ERI2: variants seen among roughly 807,000 people sequenced by gnomAD.
ERI2 encodes ERI1 exoribonuclease family member 2, also known as ERI1 exoribonuclease 2.
ERI2 carries 35 observed loss-of-function variants against 46.8 expected under a neutral mutation model. That is an observed-to-expected ratio of 0.75 (90% CI 0.57 to 0.99). The LOEUF (loss-of-function observed/expected upper bound fraction) is 0.99, where lower values mean the gene tolerates loss of function less well. ERI2 is among the 50% of genes least tolerant of loss of function. The probability of loss-of-function intolerance (pLI) is 0.00; values close to 1 mark genes in which losing one functional copy is unlikely to be tolerated. For synonymous variants in ERI2, 224 were observed against 271.0 expected (o/e 0.83, Z 1.70); for missense variants, 695 against 796.2 (o/e 0.87, Z 1.53).
At position 20,797,078 on chromosome 16, in the gene ERI2, G is replaced by T. The variant is rs1276643503; in HGVS notation, c.*646C>A. 1.4e-6 allele frequency: 2 copies of T among 1,442,534 alleles called. No individual in the cohort carries two copies. The highest frequency in any genetic ancestry group is 1.8e-6 in the Non-Finnish European group (2 of 1,102,138). 89.4% of individuals were successfully genotyped at this position (1,442,534 alleles called of 1,614,324 possible). ...CATAAAAACTGTGGTAGTATGCTTA[G>T]AAACTGTTGATTTAAAATATCTTGT... On this transcript the variant is annotated 3_prime_UTR_variant, in exon 9 of 9. Coordinates refer to ENST00000357967, the MANE Select transcript of ERI2 (RefSeq NM_001142725.2).
At position 20,789,612 on chromosome 16, in the gene ERI2, A is replaced by T. The variant is rs1450675853; in HGVS notation, c.816-55T>A. ...GATATTTATTTATCAAGAGGAAAAGATAATCAAGACCTATTGCTAAATGAT... is the reference window on the plus strand; with the variant it reads ...GATATTTATTTATCAAGAGGAAAAGTTAATCAAGACCTATTGCTAAATGAT... On this transcript the variant is annotated intron_variant, in intron 9 of 10. Coordinates refer to the ERI2 transcript ENST00000300005. The T allele has an allele frequency of 3.2e-6, 4 of 1,247,260 alleles. No individual in the cohort carries two copies. The African/African-American group carries it at 5.9e-5, about 18-fold the overall frequency. 77.3% of individuals were successfully genotyped at this position (1,247,260 alleles called of 1,614,324 possible).
Position 20,799,076 on chromosome 16 carries a change from C to A in ERI2, c.733-9G>T. ...TTCTTCTTAGTGGGAACCTATGATTCCACAGACAAATGCAACAGCTTTAGA... is the reference window on the plus strand; with the variant it reads ...TTCTTCTTAGTGGGAACCTATGATTACACAGACAAATGCAACAGCTTTAGA... On this transcript the variant is annotated splice_polypyrimidine_tract_variant and intron_variant, in intron 8 of 8. Coordinates refer to ENST00000357967, the MANE Select transcript of ERI2 (RefSeq NM_001142725.2). 1 of 1,494,218 alleles carries A rather than the reference C, an allele frequency of 6.7e-7. No individual in the cohort carries two copies. 92.6% of individuals were successfully genotyped at this position (1,494,218 alleles called of 1,614,324 possible).
chr16:20,784,986 A>AT (rs1426848695), intron 10 of ERI2: 1 of 1,611,102 alleles, frequency 6.2e-7, no homozygotes, highest in African/African-American at 1.3e-5. Context: ...CTGAGAAGCT[A>AT]TAAGTTTAAA....
rs769503260 is a variant in ERI2 at position 20,800,388 on chromosome 16, C to T, written c.475G>A (p.Val159Ile). ...CTTTTACACTCATACTCCAGGCAAA[C>T]CCCCAAGTCCCAGTCTGCATTAGGT... ...FVTWSDWDLG[V>I]CLEYECKRKQ... is the part of the protein sequence containing the mutation. The change falls in exon 6 of 9, where the codon GTT becomes ATT. Residue 159 changes from valine (V) to isoleucine (I), a missense_variant. Physicochemically the swap from Val to Ile is conservative, Grantham distance 29. Coordinates refer to ENST00000357967, the MANE Select transcript of ERI2 (RefSeq NM_001142725.2). The T allele has an allele frequency of 1.9e-6, 3 of 1,604,652 alleles. No individual in the cohort carries two copies. Among genetic ancestry groups the T allele is most frequent in the Admixed American group, 1.7e-5 (1 of 59,308 alleles).
At chr16:20,802,311 G>T (rs567587249) in intron 4 of ERI2, among the ~76,000 whole-genome samples, 65 of 152,000 alleles carry the variant, frequency 4.3e-4, no homozygotes, top group Non-Finnish European at 5.7e-4. Flanking sequence ...ACTCCAGCCT[G>T]GCCAACAGAG....
chr16:20,782,611 G>A (rs1387191518), intron 10 of ERI2, among the ~76,000 whole-genome samples: 2 of 152,090 alleles, frequency 1.3e-5, no homozygotes, highest in Non-Finnish European at 2.9e-5. Flanking sequence ...TATCTCCGTG[G>A]AGGCAGCATC....
downstream of ERI2, chr16:20,792,352 A>C (rs746508039): frequency 6.2e-7 from 1 of 1,613,156 alleles, no homozygotes; most frequent in African/African-American, 1.3e-5. Flanking sequence ...GAACTGATTC[A>C]TGTCAACTTT....
chr16:20,787,166 C>T (rs2080492191), intron 10 of ERI2, among the ~76,000 whole-genome samples: 1 of 152,210 alleles, frequency 6.6e-6, no homozygotes, highest in South Asian at 2.1e-4. Flanking sequence ...CACTCCTCAA[C>T]TTATGATAGG....
At chr16:20,793,182 AG>A (rs1596541246), downstream of ERI2, among the ~76,000 whole-genome samples, 1 of 152,138 alleles carries the variant, frequency 6.6e-6, no homozygotes, top group East Asian at 1.9e-4. Flanking sequence ...CTGAAGTTTA[AG>A]GCAGGCCAGG....
At chr16:20,786,212 T>C in intron 10 of ERI2, 1 of 1,584,156 alleles carries the variant, frequency 6.3e-7, no homozygotes, top group Non-Finnish European at 8.6e-7. Context: ...GTACACTACC[T>C]ACCTACCGCT....
chr16:20,784,884 G>A lies in ERI2; in HGVS notation c.895-4150C>T, dbSNP rs1277684237. ...GTGCTAGGGAGAGGAATTAAAAAGC[G>A]ACTAAAACATTTTATATTGAAGTTC... is the stretch of plus-strand genomic sequence containing the variant. On this transcript the variant is annotated intron_variant, in intron 10 of 10. Coordinates refer to the ERI2 transcript ENST00000300005. 7 of 1,354,912 alleles carry A rather than the reference G, an allele frequency of 5.2e-6. No individual in the cohort carries two copies. In the African/African-American group the frequency reaches 1.0e-4, roughly 20 times the overall value. 83.9% of individuals were successfully genotyped at this position (1,354,912 alleles called of 1,614,324 possible).
downstream of ERI2, chr16:20,792,357 A>G (rs768093453): frequency 1.9e-6 from 3 of 1,612,916 alleles, no homozygotes; most frequent in Non-Finnish European, 1.7e-6. Flanking sequence ...GATTCATGTC[A>G]ACTTTATAAT....
chr16:20,783,502 A>G lies in ERI2; in HGVS notation c.895-2768T>C, dbSNP rs1355723336. On this transcript the variant is annotated intron_variant, in intron 10 of 10. Coordinates refer to the ERI2 transcript ENST00000300005. ...TTGAGCATCATGTTGGTACTAAAAA[A>G]GTTTCAGATTTTGGAGCACTTTGGA... The G allele has an allele frequency of 2.0e-5, 3 of 152,186 alleles. No individual in the cohort carries two copies. In the East Asian group the frequency reaches 5.8e-4, roughly 29 times the overall value. 9.4% of individuals were successfully genotyped at this position (152,186 alleles called of 1,614,324 possible). A position where few individuals can be genotyped will look rare whatever the true frequency, so the allele number is the denominator to read the frequency against.
Position 20,806,413 on chromosome 16 carries a change from G to T in ERI2, c.18C>A (p.Leu6=), listed in dbSNP as rs1191560296. The change falls in exon 1 of 9, where the codon CTC becomes CTA. Residue 6 remains leucine, a synonymous_variant. Transcript: ENST00000357967. MATKR[L]ARQLGLIRRK... Reference sequence around the variant, plus strand: ...CCCGGAACTCCCTCGAGTACCGCGCGAGCCGCTTGGTCGCCATTCCCGACA... The same window carrying T: ...CCCGGAACTCCCTCGAGTACCGCGCTAGCCGCTTGGTCGCCATTCCCGACA... 4 of 1,551,996 alleles carry T rather than the reference G, an allele frequency of 2.6e-6. No homozygotes were observed. The Admixed American group carries it at 5.9e-5, about 23-fold the overall frequency.
At chr16:20,803,764 CATT>C (rs2080820631) in intron 1 of ERI2, 94 bp from the exon 2 acceptor site, 7 of 1,435,782 alleles carry the variant, frequency 4.9e-6, no homozygotes, top group Non-Finnish European at 6.7e-6. Context: ...GCAACAATCT[CATT>C]ATTTATTGTG....
chr16:20,793,449 A>G (rs774331823), downstream of ERI2, among the ~76,000 whole-genome samples: 15 of 152,188 alleles, frequency 9.9e-5, 1 homozygote, highest in African/African-American at 3.4e-4. Flanking sequence ...AGCCTGGCTA[A>G]CAGAACAAGA....
In ERI2 at chr16:20,801,261, A is replaced by G; in HGVS notation, c.402T>C (p.Thr134=). ...CAGAAGCAGAAGGCTCTGAAATCCC[A>G]GTAGCAAAAATAATGTTCTTCTGTT... ...IQQQKNIIFA[T]GISEPSASEV... is the part of the protein sequence containing the mutation. The change falls in exon 5 of 9, where the codon ACT becomes ACC. Residue 134 remains threonine (T), a synonymous_variant. Coordinates refer to ENST00000357967, the MANE Select transcript of ERI2 (RefSeq NM_001142725.2). 6.2e-7 allele frequency: 1 copy of G among 1,612,788 alleles called. No homozygotes were observed. The highest frequency in any genetic ancestry group is 8.5e-7 in the Non-Finnish European group (1 of 1,179,430).
At chr16:20,792,726 G>A, downstream of ERI2, 10 of 985,334 alleles carry the variant, frequency 1.0e-5, no homozygotes, top group Non-Finnish European at 1.1e-5. Context: ...AAGGAGAATG[G>A]GCTGGCATCA....
intron 10 of ERI2, among the ~76,000 whole-genome samples, chr16:20,782,658 C>T (rs1041848727): frequency 6.6e-6 from 1 of 152,212 alleles, no homozygotes; most frequent in Non-Finnish European, 1.5e-5. Flanking sequence ...CCACAAGACT[C>T]TTTCCCATCT....
Sources: gnomAD v4.1 joint callset for allele counts (sites outside exome capture counted in the v4.1 genomes callset) on GRCh38, gnomAD v4.1.1 for gene constraint, MANE v1.5 for transcripts, NCBI Gene and HGNC (gene_info 2026-07-23, HGNC 2026-07-21) for gene names.